Variants in TMEM178A observed in about 807,000 individuals in gnomAD.
TMEM178A encodes transmembrane protein 178.
TMEM178A carries 12 observed loss-of-function variants against 29.1 expected under a neutral mutation model. The ratio of observed to expected loss-of-function variants is 0.41; its 90% CI spans 0.26 to 0.67. The LOEUF (loss-of-function observed/expected upper bound fraction) is 0.67, where lower values mean the gene tolerates loss of function less well. Ranked by LOEUF, TMEM178A falls within the 30% of genes least tolerant of loss-of-function variation. The pLI is 0.29. For missense variants in TMEM178A, 366 were observed against 419.1 expected (o/e 0.87, Z 1.11); for synonymous variants, 210 against 187.2 (o/e 1.12, Z -0.99).
At chr2:39,703,974 T>A in intron 1 of TMEM178A, 107 bp from the exon 2 acceptor site, 1 of 746,586 alleles carries the variant, frequency 1.3e-6, no homozygotes, top group African/African-American at 1.8e-5. Context: ...GAGATTCTTA[T>A]CCCATCTCCC....
rs5830581 is a variant in TMEM178A at position 39,667,450 on chromosome 2, TA to T, written c.400+1087del. 1.7e-3 allele frequency among the ~76,000 whole-genome samples: 247 copies of T among 147,960 alleles called. 1 individual carries two copies. Among genetic ancestry groups the T allele is most frequent in the African/African-American group, 4.8e-3 (195 of 40,400 alleles). ...AATGTATTTTTTTCCCCTTTGAGAT[TA>T]AAAAAAAAAATCAACATCTCTTCTC... is the stretch of plus-strand genomic sequence containing the variant. On this transcript the variant is annotated intron_variant, in intron 1 of 3. Transcript: ENST00000281961.
chr2:39,690,362 G>A (rs1341446177), intron 1 of TMEM178A, among the ~76,000 whole-genome samples: 5 of 152,208 alleles, frequency 3.3e-5, no homozygotes, highest in South Asian at 2.1e-4. Flanking sequence ...CAGACAGCAC[G>A]TGAATATCAG....
chr2:39,712,311 A>C (rs934590362), intron 3 of TMEM178A, among the ~76,000 whole-genome samples: 3 of 151,856 alleles, frequency 2.0e-5, no homozygotes, highest in Non-Finnish European at 4.4e-5. Flanking sequence ...AGCAACTTCC[A>C]CTCCTTTCAG....
chr2:39,685,157 C>T (rs1162733859), intron 1 of TMEM178A, among the ~76,000 whole-genome samples: 3 of 152,126 alleles, frequency 2.0e-5, no homozygotes, highest in Non-Finnish European at 4.4e-5. Context: ...AGTCTCAGCC[C>T]AGCCTTCATT....
chr2:39,677,600 C>G (rs1206245999), intron 1 of TMEM178A, among the ~76,000 whole-genome samples: 2 of 152,130 alleles, frequency 1.3e-5, no homozygotes, highest in East Asian at 3.9e-4. Flanking sequence ...AAATGACAAG[C>G]TGGAAGACCT....
intron 1 of TMEM178A, among the ~76,000 whole-genome samples, chr2:39,669,971 C>T (rs1432272551): frequency 6.6e-6 from 1 of 152,174 alleles, no homozygotes; most frequent in Non-Finnish European, 1.5e-5. Context: ...TTGAGTTGGT[C>T]AGTTGACTCT....
At chr2:39,686,606 G>T (rs1671085779) in intron 1 of TMEM178A, among the ~76,000 whole-genome samples, 1 of 151,688 alleles carries the variant, frequency 6.6e-6, no homozygotes, top group Non-Finnish European at 1.5e-5. Flanking sequence ...TGCAGCTCTG[G>T]GCTACGGATG....
At chr2:39,705,619 A>T (rs1273339892) in intron 2 of TMEM178A, among the ~76,000 whole-genome samples, 1 of 152,112 alleles carries the variant, frequency 6.6e-6, no homozygotes, top group African/African-American at 2.4e-5. Context: ...GGATGCTCTG[A>T]GTGGGAAATG....
chr2:39,666,491 ATTCTTGCATCCTTCCCGCC>A, intron 1 of TMEM178A, 117 bp downstream of exon 1: 1 of 783,668 alleles, frequency 1.3e-6, no homozygotes, highest in Non-Finnish European at 1.7e-6. Context: ...GCGCCTGGGC[ATTCTTGCATCCTTCCCGCC>A]GCCTCCAGTC....
At chr2:39,714,657 A>G (rs112709105) in intron 3 of TMEM178A, among the ~76,000 whole-genome samples, 3 of 152,362 alleles carry the variant, frequency 2.0e-5, no homozygotes, top group African/African-American at 7.2e-5. Context: ...CACTGAGAGC[A>G]GAGAGAAATC....
chr2:39,669,846 A>G (rs945314189), intron 1 of TMEM178A, among the ~76,000 whole-genome samples: 1 of 152,230 alleles, frequency 6.6e-6, no homozygotes, highest in Admixed American at 6.5e-5. Context: ...GAGATATTAC[A>G]TTCATACTGT....
At chr2:39,706,326 C>G (rs890251641) in intron 2 of TMEM178A, among the ~76,000 whole-genome samples, 1 of 152,094 alleles carries the variant, frequency 6.6e-6, no homozygotes, top group African/African-American at 2.4e-5. Context: ...TAAATGGATG[C>G]CCAGGTTGTG....
At chr2:39,704,880 C>A (rs140828727) in intron 2 of TMEM178A, among the ~76,000 whole-genome samples, 1 of 152,220 alleles carries the variant, frequency 6.6e-6, no homozygotes, top group South Asian at 2.1e-4. Flanking sequence ...AAATAAGTAA[C>A]AAGGACTTCA....
At chr2:39,695,600 A>G (rs1671505657) in intron 1 of TMEM178A, among the ~76,000 whole-genome samples, 1 of 151,798 alleles carries the variant, frequency 6.6e-6, no homozygotes, top group African/African-American at 2.4e-5. Flanking sequence ...GGTCACAGAG[A>G]TGGACATGAT....
Position 39,707,154 on chromosome 2 carries a change from A to G in TMEM178A, c.620A>G (p.Gln207Arg). The G allele has an allele frequency of 2.5e-6, 4 of 1,614,034 alleles. No individual in the cohort carries two copies. Among genetic ancestry groups the G allele is most frequent in the Non-Finnish European group, 3.4e-6 (4 of 1,179,974 alleles). The change falls in exon 3 of 4, where the codon CAG becomes CGG. Residue 207 changes from glutamine to arginine, a missense_variant. Transcript: ENST00000281961. ...TTCTTCTGGGAGGAGAGCTTGACCC[A>G]GCACGTGGCTGGACTCCTGTTCCTC... ...VSFFWEESLT[Q>R]HVAGLLFLMT...
intron 1 of TMEM178A, among the ~76,000 whole-genome samples, chr2:39,703,422 C>G (rs1660345223): frequency 6.6e-6 from 1 of 151,988 alleles, no homozygotes; most frequent in African/African-American, 2.4e-5. Flanking sequence ...GTACACCTGC[C>G]CATATCAAAA....
At chr2:39,715,128 A>C (rs970077603) in intron 3 of TMEM178A, among the ~76,000 whole-genome samples, 3 of 152,228 alleles carry the variant, frequency 2.0e-5, no homozygotes, top group African/African-American at 4.8e-5. Context: ...GCACTTGGAC[A>C]TGAAAGGATG....
chr2:39,707,077 C>T lies in TMEM178A; in HGVS notation c.543C>T (p.Leu181=), dbSNP rs771181132. 1.9e-5 allele frequency: 31 copies of T among 1,612,598 alleles called. No homozygotes were observed. The highest frequency in any genetic ancestry group is 4.5e-5 in the East Asian group (2 of 44,888). The change falls in exon 3 of 4, where the codon CTC becomes CTT. Residue 181 remains leucine, a synonymous_variant. Transcript: ENST00000281961. Reference sequence around the variant, plus strand: ...TAAGAAGAATCACTGCTGGCTTCCTCGGCATGGCCGTAGCCGTCCTTCTCT... The same window carrying T: ...TAAGAAGAATCACTGCTGGCTTCCTTGGCATGGCCGTAGCCGTCCTTCTCT... ...LHLRRITAGF[L]GMAVAVLLCG...
intron 1 of TMEM178A, among the ~76,000 whole-genome samples, chr2:39,676,260 T>G (rs763316415): frequency 2.6e-5 from 4 of 152,218 alleles, no homozygotes; most frequent in Non-Finnish European, 5.9e-5. Context: ...GAAAACGTAT[T>G]ATCTTGTGTA....
Sources: allele counts gnomAD v4.1 joint callset (sites outside exome capture counted in the v4.1 genomes callset), GRCh38; gene constraint gnomAD v4.1.1; transcripts MANE v1.5; gene names NCBI Gene and HGNC (gene_info 2026-07-23, HGNC 2026-07-21).